Variants in RABGAP1L observed in about 807,000 individuals in gnomAD.
RABGAP1L encodes the protein RAB GTPase activating protein 1 like.
A neutral mutation model predicts 137.7 loss-of-function variants in RABGAP1L; 63 were observed. The ratio of observed to expected loss-of-function variants is 0.46; its 90% CI spans 0.37 to 0.56. The LOEUF (loss-of-function observed/expected upper bound fraction) is 0.56, where lower values mean the gene tolerates loss of function less well. RABGAP1L is among the 20% of genes least tolerant of loss of function. The probability of loss-of-function intolerance (pLI) is 0.00; values close to 1 mark genes in which losing one functional copy is unlikely to be tolerated. For missense variants in RABGAP1L, 1,095 were observed against 1,244.0 expected (o/e 0.88, Z 1.80); for synonymous variants, 431 against 433.7 (o/e 0.99, Z 0.08).
chr1:174,451,534 T>C (rs1655447419), intron 13 of RABGAP1L, among the ~76,000 whole-genome samples: 1 of 152,112 alleles, frequency 6.6e-6, no homozygotes, highest in East Asian at 1.9e-4. Flanking sequence ...GAAAGAAAAA[T>C]GATTATTCGT....
rs149110052 is a variant in RABGAP1L, at chr1:174,709,858, T to C, written c.2169+7602T>C. 7.9e-5 allele frequency among the ~76,000 whole-genome samples: 12 copies of C among 152,228 alleles called. No individual in the cohort carries two copies. In the East Asian group the frequency reaches 9.7e-4, roughly 12 times the overall value. On this transcript the variant is annotated intron_variant, in intron 17 of 25. Transcript: ENST00000681986. ...ATTGACATAAGTAGGCTTCAGAAGATTGGTAATAACAAACTCCTCTGAGCT... is the reference window on the plus strand; with the variant it reads ...ATTGACATAAGTAGGCTTCAGAAGACTGGTAATAACAAACTCCTCTGAGCT...
At chr1:174,590,326 G>GT (rs1367431307) in intron 13 of RABGAP1L, among the ~76,000 whole-genome samples, 45 of 129,302 alleles carry the variant, frequency 3.5e-4, no homozygotes, top group African/African-American at 8.9e-4. Context: ...ATGCTGTATT[G>GT]TTTTTTTTTC....
At position 174,995,281 on chromosome 1, in the gene RABGAP1L, C is replaced by CCACAAA. The variant is rs575450948; in HGVS notation, c.*5280_*5281insCACAAA. 6 of 152,288 alleles carry CCACAAA rather than the reference C, an allele frequency of 3.9e-5. No homozygotes were observed. The South Asian group carries it at 1.2e-3, about 32-fold the overall frequency. The allele number at this position is 152,288 out of a possible 1,614,324, so 9.4% of individuals were successfully genotyped here. A position where few individuals can be genotyped will look rare whatever the true frequency, so the allele number is the denominator to read the frequency against. ...GTGTTGCCCCTTTGGCCCCATTAAG[C>CCACAAA]AGTAATAAACATTTGTTCTGAAGTC... On this transcript the variant is annotated 3_prime_UTR_variant, in exon 26 of 26. Transcript: ENST00000681986.
chr1:174,656,365 G>C (rs1675973294), intron 14 of RABGAP1L, among the ~76,000 whole-genome samples: 1 of 151,748 alleles, frequency 6.6e-6, no homozygotes, highest in African/African-American at 2.4e-5. Context: ...GGCTGAGGCA[G>C]GAGAATCACT....
chr1:174,757,049 GC>G, intron 18 of RABGAP1L: 2 of 559,458 alleles, frequency 3.6e-6, no homozygotes, highest in Non-Finnish European at 6.9e-6. Context: ...ACCAATCCCG[GC>G]CAGGCTCCCT....
intron 19 of RABGAP1L, among the ~76,000 whole-genome samples, chr1:174,943,757 C>T (rs1236845878): frequency 6.6e-6 from 1 of 151,848 alleles, no homozygotes; most frequent in African/African-American, 2.4e-5. Flanking sequence ...CCCTTGAACC[C>T]AGGAGGTGGA....
intron 19 of RABGAP1L, among the ~76,000 whole-genome samples, chr1:174,833,396 G>GTA (rs1482228798): frequency 1.3e-3 from 54 of 43,094 alleles, no homozygotes; most frequent in South Asian, 6.3e-3. Context: ...GTGTGTGTGT[G>GTA]TGTGTATGTG....
chr1:174,576,249 A>T (rs1013378570), intron 13 of RABGAP1L, among the ~76,000 whole-genome samples: 2 of 152,210 alleles, frequency 1.3e-5, no homozygotes, highest in African/African-American at 4.8e-5. Flanking sequence ...TAGAAGAGCC[A>T]TGGCAAGATG....
At chr1:174,858,997 T>G (rs1286035770) in intron 19 of RABGAP1L, among the ~76,000 whole-genome samples, 1 of 152,206 alleles carries the variant, frequency 6.6e-6, no homozygotes, top group Non-Finnish European at 1.5e-5. Context: ...GAAAAGATAG[T>G]GTGGCGATTC....
rs58265128 is a variant in RABGAP1L at position 174,838,917 on chromosome 1, C to CAAAAAAAAAAAAA, written c.2340+26982_2340+26994dup. 9.4e-4 allele frequency among the ~76,000 whole-genome samples: 21 copies of CAAAAAAAAAAAAA among 22,456 alleles called. 5 individuals are homozygous for CAAAAAAAAAAAAA. Among genetic ancestry groups the CAAAAAAAAAAAAA allele is most frequent in the Non-Finnish European group, 1.3e-3 (17 of 12,674 alleles). 14.7% of individuals were successfully genotyped at this position (22,456 alleles called of 152,430 possible). A position where few individuals can be genotyped will look rare whatever the true frequency, so the allele number is the denominator to read the frequency against. The stretch of plus-strand genomic sequence containing the variant: ...TGGGCGACAAAGCGAGACTCCGTCT[C>CAAAAAAAAAAAAA]AAAAAAAAAAAAAAAAAAAAAAAAA... On this transcript the variant is annotated intron_variant, in intron 19 of 25. Coordinates refer to ENST00000681986, the MANE Select transcript of RABGAP1L (RefSeq NM_001366446.1).
At chr1:174,450,738 G>A (rs1655342685) in intron 13 of RABGAP1L, among the ~76,000 whole-genome samples, 2 of 152,050 alleles carry the variant, frequency 1.3e-5, no homozygotes, top group Non-Finnish European at 2.9e-5. Flanking sequence ...AAACATCTAA[G>A]TATTACTTTT....
intron 19 of RABGAP1L, among the ~76,000 whole-genome samples, chr1:174,835,208 G>A (rs1277838893): frequency 6.6e-6 from 1 of 152,128 alleles, no homozygotes; most frequent in African/African-American, 2.4e-5. Flanking sequence ...CTGAGCTGAG[G>A]AAGTCAGGAG....
At chr1:174,877,383 C>G (rs769303391) in intron 19 of RABGAP1L, 1 of 1,544,994 alleles carries the variant, frequency 6.5e-7, no homozygotes, top group Non-Finnish European at 8.7e-7. Context: ...TCCACCCCCT[C>G]GAACTCAGGT....
In RABGAP1L at chr1:174,252,468, TG is replaced by T; in HGVS notation, c.876-11del. 6.2e-7 allele frequency: 1 copy of T among 1,606,304 alleles called. No homozygotes were observed. The highest frequency in any genetic ancestry group is 1.7e-4 in the Middle Eastern group (1 of 5,942). On this transcript the variant is annotated splice_polypyrimidine_tract_variant and intron_variant, in intron 6 of 25. Coordinates refer to ENST00000681986, the MANE Select transcript of RABGAP1L (RefSeq NM_001366446.1). ...GATTATTGGTAATTCCTATTCCTTT[TG>T]AATATTTCAGCCCTGTGCCTAAGGA...
At chr1:174,967,742 C>T (rs1198543858) in intron 20 of RABGAP1L, among the ~76,000 whole-genome samples, 1 of 152,040 alleles carries the variant, frequency 6.6e-6, no homozygotes, top group Non-Finnish European at 1.5e-5. Context: ...CGGTCTCAGG[C>T]TCCCAAAGTA....
intron 13 of RABGAP1L, among the ~76,000 whole-genome samples, chr1:174,430,356 TG>T: frequency 6.9e-6 from 1 of 145,764 alleles, no homozygotes; most frequent in East Asian, 2.0e-4. Flanking sequence ...AGACTCTGTC[TG>T]AAAAAAAAAA....
At chr1:174,550,913 C>CAT (rs1558333904) in intron 13 of RABGAP1L, among the ~76,000 whole-genome samples, 12 of 60,156 alleles carry the variant, frequency 2.0e-4, no homozygotes, top group African/African-American at 1.2e-3. Context: ...CACATATACA[C>CAT]ACACACACAT....
intron 9 of RABGAP1L, 26 bp downstream of exon 9, chr1:174,275,961 T>C: frequency 6.4e-7 from 1 of 1,564,568 alleles, no homozygotes; most frequent in Non-Finnish European, 8.8e-7. Context: ...AGATCCCTTA[T>C]TGTTTGCTTT....
chr1:174,618,207 C>T (rs1409404157), intron 13 of RABGAP1L, among the ~76,000 whole-genome samples: 1 of 152,210 alleles, frequency 6.6e-6, no homozygotes, highest in African/African-American at 2.4e-5. Flanking sequence ...GTAGACTCCA[C>T]CTCTGGGGGC....
Sources: gnomAD v4.1 joint callset for allele counts (sites outside exome capture counted in the v4.1 genomes callset) on GRCh38, gnomAD v4.1.1 for gene constraint, MANE v1.5 for transcripts, NCBI Gene and HGNC (gene_info 2026-07-23, HGNC 2026-07-21) for gene names.